Variants in MBD3 observed in about 807,000 individuals in gnomAD.
The protein encoded by MBD3 is methyl-CpG binding domain protein 3.
In MBD3, 13 loss-of-function variants were observed where a neutral mutation model predicts 31.2. The observed-to-expected ratio is 0.42, with a 90% CI of 0.27 to 0.66. The LOEUF is 0.66. Among genes scored for constraint, MBD3 ranks in the 30% least tolerant of loss-of-function variants. The pLI is 0.26. For synonymous variants in MBD3, 223 were observed against 187.4 expected (o/e 1.19, Z -1.55); for missense variants, 440 against 426.5 (o/e 1.03, Z -0.28).
rs1301857019 is a variant in MBD3 at position 1,578,188 on chromosome 19, C to T, written c.*6-30G>A. On this transcript the variant is annotated intron_variant, in intron 6 of 6. Transcript: ENST00000434436. This position sits in a 1 kb window ranked among gnomAD's most constrained non-coding sequence, Gnocchi z 6.1. ...AAAGGACAGGGAGGGCTGGCTTTAG[C>T]GACTCCACGGGACGGGGACGCTTGG... 18 of 1,275,994 alleles carry T rather than the reference C, an allele frequency of 1.4e-5. No individual in the cohort carries two copies. The highest frequency in any genetic ancestry group is 2.4e-5 in the East Asian group (1 of 42,498). The allele number at this position is 1,275,994 out of a possible 1,614,324, so 79.0% of individuals were successfully genotyped here. A position where few individuals can be genotyped will look rare whatever the true frequency, so the allele number is the denominator to read the frequency against.
At chr19:1,586,886 C>T (rs911804638) in intron 1 of MBD3, among the ~76,000 whole-genome samples, 3 of 151,588 alleles carry the variant, frequency 2.0e-5, no homozygotes, top group Non-Finnish European at 4.4e-5. Context: ...AGGCTGGTCA[C>T]GAACTCCTGA....
In MBD3 at chr19:1,574,037, G is replaced by A. The variant is rs576829432; in HGVS notation, c.*4127C>T. ...GAAGAAAAAAAAGTACACAATTCTG[G>A]TGAGGCACGGTGGCTCATGCCTGTA... On this transcript the variant is annotated 3_prime_UTR_variant, in exon 7 of 7. Coordinates refer to ENST00000434436, the MANE Select transcript of MBD3 (RefSeq NM_001281453.2). The A allele has an allele frequency of 6.6e-6, 1 of 151,758 alleles. No homozygotes were observed. Among genetic ancestry groups the A allele is most frequent in the South Asian group, 2.1e-4 (1 of 4,806 alleles). The allele number at this position is 151,758 out of a possible 1,614,324, so 9.4% of individuals were successfully genotyped here. A position where few individuals can be genotyped will look rare whatever the true frequency, so the allele number is the denominator to read the frequency against.
In MBD3 at chr19:1,584,545, G is replaced by A. The variant is rs770227083; in HGVS notation, c.403C>T (p.Arg135Cys). The A allele has an allele frequency of 1.9e-6, 3 of 1,613,328 alleles. No homozygotes were observed. The highest frequency in any genetic ancestry group is 2.5e-6 in the Non-Finnish European group (3 of 1,179,840). ...SDPQKAVDQP[R>C]QLFWEKKLSG... ...TCGCTGTGCGTTGAGCTCACCTGGC[G>A]CGGCTGGTCCACCGCCTTCTGCGGG... The change falls in exon 3 of 7, where the codon CGC (arginine) becomes TGC (cysteine). Residue 135 changes from arginine (R) to cysteine (C), a missense_variant. Physicochemically the swap from Arg to Cys is radical, Grantham distance 180. Around this residue, in one of 3 missense-constraint regions of MBD3, gnomAD observed 144 missense variants for 196.9 expected, o/e 0.73. Coordinates refer to ENST00000434436, the MANE Select transcript of MBD3 (RefSeq NM_001281453.2).
chr19:1,590,880 T>G (rs2060700422), intron 1 of MBD3, among the ~76,000 whole-genome samples: 1 of 152,228 alleles, frequency 6.6e-6, no homozygotes, highest in Admixed American at 6.5e-5. Context: ...AGGGCGGCTC[T>G]GGGCTGCCTG....
chr19:1,591,651 G>C (rs1157588732), intron 1 of MBD3, among the ~76,000 whole-genome samples: 1 of 152,170 alleles, frequency 6.6e-6, no homozygotes, highest in South Asian at 2.1e-4. Context: ...CAAGGGGAGG[G>C]CGCAATCAAA....
At position 1,576,957 on chromosome 19, in the gene MBD3, CT is replaced by C. The variant is rs1371975043; in HGVS notation, c.*1206del. The C allele has an allele frequency of 6.6e-6, 1 of 152,324 alleles. No individual in the cohort carries two copies. The highest frequency in any genetic ancestry group is 2.4e-5 in the African/African-American group (1 of 41,472). The allele number at this position is 152,324 out of a possible 1,614,324, so 9.4% of individuals were successfully genotyped here. Reference sequence around the variant, plus strand: ...TTGGAGGGCAGACGGTGGAGCGGCGCTTCCTCAGCTCCCGCGGTCAGGCCCC... The same window carrying C: ...TTGGAGGGCAGACGGTGGAGCGGCGCTCCTCAGCTCCCGCGGTCAGGCCCC... On this transcript the variant is annotated 3_prime_UTR_variant, in exon 7 of 7. Transcript: ENST00000434436.
In MBD3 at chr19:1,578,108, A is replaced by T. The variant is rs1039215314; in HGVS notation, c.*56T>A. The T allele has an allele frequency of 1.2e-4, 79 of 646,594 alleles. No individual in the cohort carries two copies. The highest frequency in any genetic ancestry group is 1.8e-4 in the Non-Finnish European group (70 of 380,314). The allele number at this position is 646,594 out of a possible 1,614,324, so 40.1% of individuals were successfully genotyped here. A position where few individuals can be genotyped will look rare whatever the true frequency, so the allele number is the denominator to read the frequency against. On this transcript the variant is annotated 3_prime_UTR_variant, in exon 7 of 7. Coordinates refer to ENST00000434436, the MANE Select transcript of MBD3 (RefSeq NM_001281453.2). This position sits in a 1 kb window ranked among gnomAD's most constrained non-coding sequence, Gnocchi z 6.1. ...GAGCCTGGTTCACGTGGGGCCGAGG[A>T]CCGCGTCTGCAGGCGGCTCCAGCAG...
chr19:1,582,040 T>G (rs1391774402), intron 4 of MBD3, among the ~76,000 whole-genome samples: 1 of 152,170 alleles, frequency 6.6e-6, no homozygotes, highest in African/African-American at 2.4e-5. Flanking sequence ...GTGTTGGGAT[T>G]ACAGGCGTGA....
intron 5 of MBD3, among the ~76,000 whole-genome samples, chr19:1,579,392 T>G (rs1917296072): frequency 6.6e-6 from 1 of 151,622 alleles, no homozygotes; most frequent in Non-Finnish European, 1.5e-5. Flanking sequence ...GGCCTCCTCC[T>G]CGGGGCCTAC....
At chr19:1,583,936 C>T (rs368599205) in intron 3 of MBD3, among the ~76,000 whole-genome samples, 1 of 152,024 alleles carries the variant, frequency 6.6e-6, no homozygotes, top group African/African-American at 2.4e-5. Context: ...ATTCTCCTGC[C>T]TCAGCCTCCC....
chr19:1,589,294 G>C (rs2060693198), intron 1 of MBD3, among the ~76,000 whole-genome samples: 1 of 138,528 alleles, frequency 7.2e-6, no homozygotes, highest in Non-Finnish European at 1.5e-5. Flanking sequence ...TTGCAGCATT[G>C]CACTGCAACA....
chr19:1,584,757 C>T (rs2060669949), intron 2 of MBD3, 80 bp from the exon 3 acceptor site: 13 of 1,447,498 alleles, frequency 9.0e-6, no homozygotes, highest in East Asian at 2.5e-5. Flanking sequence ...GCCCGGGTGA[C>T]CCCCTGCTTT....
chr19:1,575,179 C>G lies in MBD3; in HGVS notation c.*2985G>C, dbSNP rs993393956. On this transcript the variant is annotated 3_prime_UTR_variant, in exon 7 of 7. Transcript: ENST00000434436. ...CCATGGTGGTTCACACCTGTAATCC[C>G]GGCAATTTGGGAAGCTGGGGCGGGC... 2 of 436,182 alleles carry G rather than the reference C, an allele frequency of 4.6e-6. No individual in the cohort carries two copies. Among genetic ancestry groups the G allele is most frequent in the Non-Finnish European group, 9.3e-6 (2 of 214,378 alleles). The allele number at this position is 436,182 out of a possible 1,614,324, so 27.0% of individuals were successfully genotyped here.
At chr19:1,590,046 G>A (rs1359054895) in intron 1 of MBD3, among the ~76,000 whole-genome samples, 1 of 152,076 alleles carries the variant, frequency 6.6e-6, no homozygotes, top group Non-Finnish European at 1.5e-5. Flanking sequence ...GGTGGCTCAG[G>A]CCTGTAATCC....
intron 2 of MBD3, 36 bp from the exon 3 acceptor site, chr19:1,584,713 C>A: frequency 1.9e-6 from 3 of 1,599,182 alleles, no homozygotes; most frequent in Non-Finnish European, 2.6e-6. Flanking sequence ...GGCCTGGGGG[C>A]GCCCCGGCGG....
chr19:1,575,570 C>A lies in MBD3; in HGVS notation c.*2594G>T. The A allele has an allele frequency of 5.3e-6, 1 of 189,082 alleles. No homozygotes were observed. 11.7% of individuals were successfully genotyped at this position (189,082 alleles called of 1,614,324 possible). A position where few individuals can be genotyped will look rare whatever the true frequency, so the allele number is the denominator to read the frequency against. ...GCATTGGGAGCTCAGGCTTCCCCGC[C>A]CCATGCCAGGTCTGGGTTCTGGGGC... On this transcript the variant is annotated 3_prime_UTR_variant, in exon 7 of 7. Coordinates refer to ENST00000434436, the MANE Select transcript of MBD3 (RefSeq NM_001281453.2).
At chr19:1,586,671 A>ATTTTTTT (rs4030111) in intron 1 of MBD3, among the ~76,000 whole-genome samples, 1 of 143,796 alleles carries the variant, frequency 7.0e-6, no homozygotes, top group African/African-American at 2.6e-5. Flanking sequence ...ACCACGCCTA[A>ATTTTTTT]TTTTTTTTTT....
chr19:1,587,187 G>A (rs1042371605), intron 1 of MBD3, among the ~76,000 whole-genome samples: 3 of 150,990 alleles, frequency 2.0e-5, no homozygotes, highest in East Asian at 3.9e-4. Flanking sequence ...GGATGGTCGC[G>A]ACCTCCTGAC....
rs2060667925 is a variant in MBD3, at chr19:1,584,465, C to T, written c.408+75G>A. On this transcript the variant is annotated intron_variant, in intron 3 of 6. Coordinates refer to ENST00000434436, the MANE Select transcript of MBD3 (RefSeq NM_001281453.2). The stretch of plus-strand genomic sequence containing the variant: ...CTCACTACGTCCGCTCCACGTACGA[C>T]CTCATTCCAAACGTCCACCCACCAA... The T allele has an allele frequency of 5.6e-6, 9 of 1,595,314 alleles. No homozygotes were observed. In the South Asian group the frequency reaches 9.9e-5, roughly 18 times the overall value.
Sources: gnomAD v4.1 joint callset for allele counts (sites outside exome capture counted in the v4.1 genomes callset) on GRCh38, gnomAD v4.1.1 for gene constraint, gnomAD v4.1.1 regional missense constraint, Gnocchi (gnomAD v3.1) non-coding constraint, MANE v1.5 for transcripts, NCBI Gene and HGNC (gene_info 2026-07-23, HGNC 2026-07-21) for gene names.